The following ASPH variants were observed in gnomAD, a reference collection of about 807,000 sequenced individuals.
The protein encoded by ASPH is aspartate beta-hydroxylase.
Under a neutral mutation model 118.4 loss-of-function variants are expected in ASPH, and 100 were observed. That is an observed-to-expected ratio of 0.84 (90% CI 0.72 to 1.00). The LOEUF is 1.00. ASPH is among the 50% of genes least tolerant of loss of function. The pLI, the probability that ASPH is intolerant of heterozygous loss-of-function variation, is 0.00. For missense variants in ASPH, 920 were observed against 919.5 expected, an observed-to-expected ratio of 1.00 and a Z score of -0.01; for synonymous variants, 315 against 325.6, an observed-to-expected ratio of 0.97 and a Z score of 0.35.
intron 21 of ASPH, among the ~76,000 whole-genome samples, chr8:61,532,738 A>C (rs2129632515): frequency 6.6e-6 from 1 of 152,304 alleles, no homozygotes; most frequent in South Asian, 2.1e-4. Context: ...TATAGGAGTC[A>C]GGATAGTATA....
chr8:61,523,634 A>T (rs554846461), intron 22 of ASPH, among the ~76,000 whole-genome samples: 1 of 152,148 alleles, frequency 6.6e-6, no homozygotes, highest in African/African-American at 2.4e-5. Context: ...TATTCTTTAA[A>T]CTATGAATTT....
rs186593901 is a variant in ASPH at position 61,523,592 on chromosome 8, C to T, written c.1900+2385G>A. 2.3e-3 allele frequency among the ~76,000 whole-genome samples: 357 copies of T among 152,100 alleles called. 1 individual carries two copies. The highest frequency in any genetic ancestry group is 0.018 in the South Asian group (87 of 4,822). ...TCGGCCTCCCAAAGTGTTGGGATTACAGTCATGAGCCACCACACCGAGCCC... is the reference window on the plus strand; with the variant it reads ...TCGGCCTCCCAAAGTGTTGGGATTATAGTCATGAGCCACCACACCGAGCCC... On this transcript the variant is annotated intron_variant, in intron 22 of 24. Coordinates refer to ENST00000379454, the MANE Select transcript of ASPH (RefSeq NM_004318.4).
At chr8:61,655,270 G>T (rs1723684537) in intron 3 of ASPH, among the ~76,000 whole-genome samples, 1 of 152,154 alleles carries the variant, frequency 6.6e-6, no homozygotes, top group African/African-American at 2.4e-5. Context: ...TAGCTGAGTA[G>T]AAGAGGGAAG....
intron 3 of ASPH, chr8:61,663,687 TTATCAGG>T: frequency 1.0e-6 from 1 of 980,514 alleles, no homozygotes; most frequent in South Asian, 4.7e-5. Flanking sequence ...AAACTCGAAG[TTATCAGG>T]TTACAATATC....
chr8:61,623,294 T>C (rs975707635), intron 13 of ASPH, among the ~76,000 whole-genome samples: 2 of 152,248 alleles, frequency 1.3e-5, no homozygotes, highest in Non-Finnish European at 2.9e-5. Context: ...GCATTTCTGA[T>C]GATCAAGGAT....
intron 21 of ASPH, 27 bp downstream of exon 21, chr8:61,548,044 T>G (rs773748847): frequency 1.9e-5 from 30 of 1,594,294 alleles, no homozygotes; most frequent in Non-Finnish European, 2.4e-5. Flanking sequence ...AAAGATCTGG[T>G]GAGGATGATG....
intron 1 of ASPH, among the ~76,000 whole-genome samples, chr8:61,704,194 CAAAAAAAAAAAAAAAAAAAAAA>C (rs61553495): frequency 2.7e-4 from 11 of 40,426 alleles, no homozygotes; most frequent in East Asian, 1.5e-3. Flanking sequence ...GACTCCGTCT[CAAAAAAAAAAAAAAAAAAAAAA>C]AAAAAAAAAA....
chr8:61,525,719 C>G (rs1236291312), intron 22 of ASPH, among the ~76,000 whole-genome samples: 14 of 152,206 alleles, frequency 9.2e-5, no homozygotes, highest in Non-Finnish European at 1.8e-4. Context: ...CCAGAAAAAT[C>G]AGAACACTAT....
intron 9 of ASPH, 74 bp from the exon 10 acceptor site, chr8:61,642,994 A>G: frequency 7.6e-7 from 1 of 1,312,432 alleles, no homozygotes; most frequent in Non-Finnish European, 1.0e-6. Context: ...AGTTAAAACA[A>G]AATACTACTT....
intron 3 of ASPH, among the ~76,000 whole-genome samples, chr8:61,674,704 G>C (rs1011906785): frequency 1.3e-5 from 2 of 152,190 alleles, no homozygotes; most frequent in Non-Finnish European, 1.5e-5. Context: ...GCCTACAAGA[G>C]TAATTCATAA....
chr8:61,527,195 C>G (rs1429917463), intron 21 of ASPH, among the ~76,000 whole-genome samples: 1 of 152,120 alleles, frequency 6.6e-6, no homozygotes, highest in Admixed American at 6.5e-5. Context: ...AATGGAAAAC[C>G]AGTAGAATAT....
intron 3 of ASPH, among the ~76,000 whole-genome samples, chr8:61,670,214 AAG>A (rs550592320): frequency 1.8e-4 from 28 of 152,242 alleles, no homozygotes; most frequent in African/African-American, 6.7e-4. Flanking sequence ...ATGAAACAAA[AAG>A]AGAGTAAAGA....
intron 21 of ASPH, among the ~76,000 whole-genome samples, chr8:61,543,776 C>T (rs34344679): frequency 0.65 from 98,338 of 152,048 alleles, 35,917 homozygotes; most frequent in Non-Finnish European, 0.82. Context: ...TCATAAAATT[C>T]GTTGTTGTTC....
intron 15 of ASPH, chr8:61,578,657 C>A: frequency 2.5e-6 from 4 of 1,595,568 alleles, no homozygotes; most frequent in Non-Finnish European, 3.4e-6. Context: ...ACATCAACAA[C>A]CTTAGGCGGC....
At chr8:61,587,985 G>C (rs1202455520) in intron 14 of ASPH, among the ~76,000 whole-genome samples, 1 of 152,002 alleles carries the variant, frequency 6.6e-6, no homozygotes, top group African/African-American at 2.4e-5. Context: ...TGGGTGATGT[G>C]GGCTGCTTCT....
intron 20 of ASPH, among the ~76,000 whole-genome samples, chr8:61,551,856 C>A (rs530634073): frequency 6.6e-6 from 1 of 152,290 alleles, no homozygotes; most frequent in South Asian, 2.1e-4. Flanking sequence ...TCAGCAATTT[C>A]TTCTCCCATC....
chr8:61,709,262 A>T (rs1306210318), intron 1 of ASPH, among the ~76,000 whole-genome samples: 2 of 152,166 alleles, frequency 1.3e-5, no homozygotes, highest in Non-Finnish European at 2.9e-5. Context: ...CAGGGGAATA[A>T]AATACTAAAA....
At chr8:61,564,565 C>T (rs1241933053) in intron 17 of ASPH, among the ~76,000 whole-genome samples, 1 of 152,180 alleles carries the variant, frequency 6.6e-6, no homozygotes, top group African/African-American at 2.4e-5. Context: ...TCCCAAAGTG[C>T]TGGGATTACA....
intron 1 of ASPH, 98 bp downstream of exon 1, chr8:61,714,171 G>T (rs1413379399): frequency 1.6e-6 from 2 of 1,275,138 alleles, no homozygotes; most frequent in Non-Finnish European, 2.0e-6. Flanking sequence ...GGCGGCGCGC[G>T]GTGGGACCTG....
Sources: allele counts gnomAD v4.1 joint callset (sites outside exome capture counted in the v4.1 genomes callset), GRCh38; gene constraint gnomAD v4.1.1; transcripts MANE v1.5; gene names NCBI Gene and HGNC (gene_info 2026-07-23, HGNC 2026-07-21).